The following GREB1L variants were observed in gnomAD, a reference collection of about 807,000 sequenced individuals.
GREB1L encodes the protein GREB1-like protein.
Under a neutral mutation model 200.8 loss-of-function variants are expected in GREB1L, and 17 were observed. The ratio of observed to expected loss-of-function variants is 0.08; its 90% CI spans 0.06 to 0.13. The LOEUF (loss-of-function observed/expected upper bound fraction) is 0.13. Among genes scored for constraint, GREB1L ranks in the 10% least tolerant of loss-of-function variants. The probability of loss-of-function intolerance (pLI) is 1.00; values close to 1 mark genes in which losing one functional copy is unlikely to be tolerated. For missense variants in GREB1L, 1,657 were observed against 2,367.7 expected, an observed-to-expected ratio of 0.70 and a Z score of 6.23; for synonymous variants, 789 against 893.0, an observed-to-expected ratio of 0.88 and a Z score of 2.08.
chr18:21,255,209 T>A (rs1296855951), intron 1 of GREB1L, among the ~76,000 whole-genome samples: 1 of 152,260 alleles, frequency 6.6e-6, no homozygotes, highest in Non-Finnish European at 1.5e-5. Context: ...TTGTCTTTCC[T>A]GCCTATCTAT....
At position 21,312,303 on chromosome 18, in the gene GREB1L, C is replaced by G. The variant is rs1326796722; in HGVS notation, c.-119-53724C>G. Among the ~76,000 whole-genome samples the G allele has an allele frequency of 3.9e-5, 6 of 152,188 alleles. No homozygotes were observed. The South Asian group carries it at 1.2e-3, about 32-fold the overall frequency. Reference sequence around the variant, plus strand: ...AGTGAACATTCACGTGCATGTGTCTCTATGATAGAATGATTTATATTCCTT... The same window carrying G: ...AGTGAACATTCACGTGCATGTGTCTGTATGATAGAATGATTTATATTCCTT... On this transcript the variant is annotated intron_variant, in intron 1 of 32. Transcript: ENST00000424526.
At chr18:21,461,722 G>C (rs1368218685) in intron 15 of GREB1L, among the ~76,000 whole-genome samples, 1 of 152,112 alleles carries the variant, frequency 6.6e-6, no homozygotes, top group Admixed American at 6.5e-5. Context: ...TGTTGTAGTT[G>C]CATGTTTATT....
At chr18:21,381,884 C>G (rs1264646569) in intron 2 of GREB1L, among the ~76,000 whole-genome samples, 1 of 152,164 alleles carries the variant, frequency 6.6e-6, no homozygotes, top group African/African-American at 2.4e-5. Flanking sequence ...TTTGGTTTGT[C>G]ACAGCTGTTT....
intron 1 of GREB1L, among the ~76,000 whole-genome samples, chr18:21,294,292 T>C (rs547345558): frequency 6.6e-6 from 1 of 152,264 alleles, no homozygotes; most frequent in Admixed American, 6.5e-5. Context: ...CACAGTCAAA[T>C]GATAGAAAAA....
intron 1 of GREB1L, among the ~76,000 whole-genome samples, chr18:21,291,357 T>A (rs2038447479): frequency 6.6e-6 from 1 of 152,216 alleles, no homozygotes; most frequent in Non-Finnish European, 1.5e-5. Context: ...TGTTAAAGCC[T>A]TCCCTGACTC....
chr18:21,518,261 C>T, intron 31 of GREB1L, 27 bp downstream of exon 31: 1 of 1,537,476 alleles, frequency 6.5e-7, no homozygotes, highest in Admixed American at 2.0e-5. Flanking sequence ...GGATACTGTG[C>T]TTACCTACAT....
At chr18:21,381,561 A>C (rs1433839578) in intron 2 of GREB1L, among the ~76,000 whole-genome samples, 1 of 152,230 alleles carries the variant, frequency 6.6e-6, no homozygotes, top group African/African-American at 2.4e-5. Flanking sequence ...TTTTATGAAA[A>C]ATAATTGTAT....
chr18:21,383,054 A>T (rs2040389711), intron 2 of GREB1L, among the ~76,000 whole-genome samples: 1 of 152,128 alleles, frequency 6.6e-6, no homozygotes, highest in Non-Finnish European at 1.5e-5. Context: ...TTTTTTCCAG[A>T]AGAGAGCCTT....
At chr18:21,348,928 G>C (rs1389074746) in intron 1 of GREB1L, among the ~76,000 whole-genome samples, 1 of 152,184 alleles carries the variant, frequency 6.6e-6, no homozygotes, top group Non-Finnish European at 1.5e-5. Context: ...CTGGGTGACA[G>C]AGTGAGACCC....
chr18:21,525,859 T>C lies in GREB1L; in HGVS notation c.*3038T>C, dbSNP rs1420415699. Among the ~76,000 whole-genome samples, 2 of 114,138 alleles carry C rather than the reference T, an allele frequency of 1.8e-5. No homozygotes were observed. The highest frequency in any genetic ancestry group is 5.0e-5 in the African/African-American group (2 of 39,832). The allele number at this position is 114,138 out of a possible 152,430, so 74.9% of individuals were successfully genotyped here. A position where few individuals can be genotyped will look rare whatever the true frequency, so the allele number is the denominator to read the frequency against. ...CAATCTATTAATAAAGTGTAGTAAA[T>C]TAAAAGAATTTGACATAGATTCCAT... On this transcript the variant is annotated 3_prime_UTR_variant, in exon 33 of 33. Coordinates refer to ENST00000424526, the MANE Select transcript of GREB1L (RefSeq NM_001142966.3).
In GREB1L at chr18:21,413,563, G is replaced by A. The variant is rs190030409; in HGVS notation, c.832+9569G>A. Among the ~76,000 whole-genome samples the A allele has an allele frequency of 1.6e-4, 25 of 152,132 alleles. No individual in the cohort carries two copies. In the East Asian group the frequency reaches 4.3e-3, roughly 26 times the overall value. ...TTCTAGCCAGATACTGAGAACACGC[G>A]GGGTTTTCCTTTACACGGTAAACTC... On this transcript the variant is annotated intron_variant, in intron 7 of 32. Transcript: ENST00000424526.
At chr18:21,363,478 A>T (rs1270014808) in intron 1 of GREB1L, 1 of 151,716 alleles carries the variant, frequency 6.6e-6, no homozygotes, top group Non-Finnish European at 1.5e-5. Flanking sequence ...TTTTGCTTAG[A>T]AGAGGTTTAT....
intron 1 of GREB1L, among the ~76,000 whole-genome samples, chr18:21,250,125 G>A (rs1319104239): frequency 1.3e-5 from 2 of 152,134 alleles, no homozygotes; most frequent in African/African-American, 2.4e-5. Flanking sequence ...GTTGTTAGAG[G>A]GGCAACTAGG....
chr18:21,383,765 T>C, intron 3 of GREB1L, 90 bp downstream of exon 3: 1 of 1,275,094 alleles, frequency 7.8e-7, no homozygotes, highest in Non-Finnish European at 1.1e-6. Context: ...CAGGCTGGAG[T>C]GCAGTGGCGT....
chr18:21,444,226 T>A lies in GREB1L; in HGVS notation c.1210T>A (p.Tyr404Asn). 6.5e-7 allele frequency: 1 copy of A among 1,549,874 alleles called. No homozygotes were observed. The highest frequency in any genetic ancestry group is 8.7e-7 in the Non-Finnish European group (1 of 1,145,314). The change falls in exon 11 of 33, where the codon TAT becomes AAT. Residue 404 changes from tyrosine to asparagine, a missense_variant and splice_region_variant. By Grantham distance (143) the Tyr-to-Asn change is moderately radical. This residue lies in a region of GREB1L where 289 missense variants were observed against 345.1 expected (regional missense o/e 0.84). Transcript: ENST00000424526. Reference protein sequence around the residue: ...SGVRPVILIGYGTLPYFYGNV... With the variant: ...SGVRPVILIGNGTLPYFYGNV... ...CTGACCTGCTTCTATTGGGACAGGC[T>A]ATGGCACTTTACCCTATTTCTATGG...
chr18:21,451,909 C>T (rs922573088), intron 13 of GREB1L, among the ~76,000 whole-genome samples, 174 bp from the exon 14 acceptor site: 27 of 152,232 alleles, frequency 1.8e-4, no homozygotes, highest in African/African-American at 6.5e-4. Flanking sequence ...GAGAGTAGTT[C>T]TTGATATAGA....
chr18:21,457,114 C>G (rs1314629060), intron 15 of GREB1L, among the ~76,000 whole-genome samples: 3 of 152,284 alleles, frequency 2.0e-5, no homozygotes, highest in Admixed American at 6.5e-5. Context: ...CTAATAAATG[C>G]AAGCTCCTAA....
At chr18:21,313,874 T>C (rs2038828598) in intron 1 of GREB1L, among the ~76,000 whole-genome samples, 1 of 152,232 alleles carries the variant, frequency 6.6e-6, no homozygotes, top group South Asian at 2.1e-4. Flanking sequence ...TTCCTCATCT[T>C]TACAAAGAAT....
intron 17 of GREB1L, among the ~76,000 whole-genome samples, chr18:21,482,276 G>A (rs932598097): frequency 3.9e-5 from 6 of 152,162 alleles, no homozygotes; most frequent in African/African-American, 1.4e-4. Flanking sequence ...TTTGTTTTTT[G>A]AGACGGAGTC....
Sources: allele counts gnomAD v4.1 joint callset (sites outside exome capture counted in the v4.1 genomes callset), GRCh38; gene constraint gnomAD v4.1.1; regional missense constraint gnomAD v4.1.1; transcripts MANE v1.5; gene names NCBI Gene and HGNC (gene_info 2026-07-23, HGNC 2026-07-21).